The following LIMS1 variants were observed in gnomAD, a reference collection of about 807,000 sequenced individuals.
LIMS1 encodes the protein LIM zinc finger domain containing 1.
Under a neutral mutation model 44.1 loss-of-function variants are expected in LIMS1, and 18 were observed. That is an observed-to-expected ratio of 0.41 (90% CI 0.28 to 0.61). The LOEUF (loss-of-function observed/expected upper bound fraction) is 0.61. Among genes scored for constraint, LIMS1 ranks in the 20% least tolerant of loss-of-function variants. LIMS1 has a pLI of 0.32. For missense variants in LIMS1, 201 were observed against 422.0 expected, an observed-to-expected ratio of 0.48 and a Z score of 4.59; for synonymous variants, 93 against 149.1, an observed-to-expected ratio of 0.62 and a Z score of 2.74.
chr2:108,623,898 G>A (rs1211508416), intron 1 of LIMS1, among the ~76,000 whole-genome samples: 1 of 152,218 alleles, frequency 6.6e-6, no homozygotes, highest in Non-Finnish European at 1.5e-5. Context: ...TCTGAAACAC[G>A]AGATGCACGT....
chr2:108,582,028 A>C (rs538835139), intron 1 of LIMS1, among the ~76,000 whole-genome samples: 40 of 152,104 alleles, frequency 2.6e-4, no homozygotes, highest in Non-Finnish European at 5.4e-4. Context: ...CAAGTTGGGG[A>C]CTTCTTTGAT....
At chr2:108,537,705 G>T (rs951582286) in intron 1 of LIMS1, among the ~76,000 whole-genome samples, 11 of 152,218 alleles carry the variant, frequency 7.2e-5, no homozygotes, top group Non-Finnish European at 1.5e-5. Context: ...TGTCCATCAG[G>T]ATTGTGCTGT....
At chr2:108,670,227 GT>G (rs1692074467) in intron 2 of LIMS1, among the ~76,000 whole-genome samples, 5 of 152,212 alleles carry the variant, frequency 3.3e-5, no homozygotes, top group Admixed American at 2.0e-4. Context: ...GCTAACGCCT[GT>G]GGTCCCAGTG....
intron 1 of LIMS1, among the ~76,000 whole-genome samples, chr2:108,615,780 A>G (rs746148609): frequency 2.6e-5 from 4 of 152,200 alleles, no homozygotes; most frequent in Non-Finnish European, 5.9e-5. Context: ...TCTGAAAACC[A>G]AGTAATGTTA....
chr2:108,677,521 C>T (rs554892010), intron 7 of LIMS1: 1 of 160,184 alleles, frequency 6.2e-6, no homozygotes, highest in East Asian at 1.9e-4. Flanking sequence ...TGTGGGCAAT[C>T]ATTTTATGAC....
intron 1 of LIMS1, among the ~76,000 whole-genome samples, chr2:108,645,724 T>C (rs1348240321): frequency 6.6e-6 from 1 of 151,510 alleles, no homozygotes; most frequent in Non-Finnish European, 1.5e-5. Flanking sequence ...TCAAGACCCA[T>C]CAGTGTGCTG....
At chr2:108,538,846 C>CT (rs1386623931) in intron 1 of LIMS1, among the ~76,000 whole-genome samples, 1 of 152,194 alleles carries the variant, frequency 6.6e-6, no homozygotes, top group Non-Finnish European at 1.5e-5. Flanking sequence ...AACTGAAACT[C>CT]TGTGACCAGT....
intron 1 of LIMS1, among the ~76,000 whole-genome samples, chr2:108,611,003 C>T (rs1027579462): frequency 3.3e-5 from 5 of 152,064 alleles, no homozygotes; most frequent in Non-Finnish European, 7.4e-5. Context: ...ATCAATCAGT[C>T]GAGGATACCA....
At chr2:108,611,836 AATATAT>A (rs138970063) in intron 1 of LIMS1, among the ~76,000 whole-genome samples, 1 of 130,986 alleles carries the variant, frequency 7.6e-6, no homozygotes, top group African/African-American at 2.8e-5. Flanking sequence ...CATGATCTAA[AATATAT>A]ATATATATAT....
At chr2:108,682,206 T>G (rs1035147138) in intron 9 of LIMS1, among the ~76,000 whole-genome samples, 1 of 151,980 alleles carries the variant, frequency 6.6e-6, no homozygotes, top group African/African-American at 2.4e-5. Context: ...AGGAATTAAA[T>G]GTAAATGTAA....
intron 1 of LIMS1, among the ~76,000 whole-genome samples, chr2:108,632,867 T>C: frequency 6.6e-6 from 1 of 152,206 alleles, no homozygotes. Context: ...GCAGTTTACT[T>C]ACAGGCAATC....
chr2:108,540,193 CTTTTT>C (rs34386092), intron 1 of LIMS1, among the ~76,000 whole-genome samples: 17 of 93,342 alleles, frequency 1.8e-4, no homozygotes, highest in Admixed American at 1.3e-3. Context: ...GTACAGATTC[CTTTTT>C]TTTTTTTTTT....
intron 1 of LIMS1, among the ~76,000 whole-genome samples, chr2:108,615,398 C>G (rs1275677480): frequency 6.6e-6 from 1 of 152,122 alleles, no homozygotes; most frequent in South Asian, 2.1e-4. Context: ...AAGCTTCTGT[C>G]TGTGTTCCTT....
At chr2:108,652,368 G>A (rs150201687) in intron 1 of LIMS1, among the ~76,000 whole-genome samples, 1,782 of 152,292 alleles carry the variant, frequency 0.012, 16 homozygotes, top group African/African-American at 0.041. Flanking sequence ...CAGTAAACAA[G>A]AGCAAACTGG....
Position 108,678,317 on chromosome 2 carries a change from C to G in LIMS1, c.823+290C>G. The G allele has an allele frequency of 5.7e-6, 3 of 528,384 alleles. No homozygotes were observed. The South Asian group carries it at 7.3e-5, about 13-fold the overall frequency. The allele number at this position is 528,384 out of a possible 1,614,324, so 32.7% of individuals were successfully genotyped here. A position where few individuals can be genotyped will look rare whatever the true frequency, so the allele number is the denominator to read the frequency against. ...CCTAAGACCTGTTTGTGTCCAGTTT[C>G]AGGAAGCTCTAGAACAACGTTTATT... On this transcript the variant is annotated intron_variant, in intron 8 of 9. Transcript: ENST00000544547.
intron 1 of LIMS1, among the ~76,000 whole-genome samples, chr2:108,610,238 T>TG (rs1687528258): frequency 6.6e-6 from 1 of 151,028 alleles, no homozygotes; most frequent in South Asian, 2.1e-4. Context: ...AAAATAGAGA[T>TG]GGGGTCTCAC....
At chr2:108,559,328 G>T (rs932742066) in intron 1 of LIMS1, among the ~76,000 whole-genome samples, 1 of 152,148 alleles carries the variant, frequency 6.6e-6, no homozygotes, top group African/African-American at 2.4e-5. Context: ...AAAATAACTT[G>T]TAAAAATGTG....
intron 1 of LIMS1, among the ~76,000 whole-genome samples, chr2:108,558,860 G>T (rs551779774): frequency 6.6e-6 from 1 of 151,570 alleles, no homozygotes; most frequent in African/African-American, 2.4e-5. Context: ...TGGTAGAGAC[G>T]GGGTTTCACC....
intron 1 of LIMS1, among the ~76,000 whole-genome samples, chr2:108,547,694 T>C (rs1684527249): frequency 6.6e-6 from 1 of 152,216 alleles, no homozygotes; most frequent in African/African-American, 2.4e-5. Context: ...TTATTCATTC[T>C]CCACTTTCAA....
Sources: gnomAD v4.1 joint callset for allele counts (sites outside exome capture counted in the v4.1 genomes callset) on GRCh38, gnomAD v4.1.1 for gene constraint, MANE v1.5 for transcripts, NCBI Gene and HGNC (gene_info 2026-07-23, HGNC 2026-07-21) for gene names.